Variants in TBCD observed in about 807,000 individuals in gnomAD.
TBCD encodes the protein tubulin-specific chaperone D.
In TBCD, 105 loss-of-function variants were observed where a neutral mutation model predicts 169.3. That is an observed-to-expected ratio of 0.62 (90% CI 0.53 to 0.73). The LOEUF is 0.73. Among genes scored for constraint, TBCD ranks in the 30% least tolerant of loss-of-function variants. The pLI is 0.00. For synonymous variants in TBCD, 700 were observed against 643.9 expected, an observed-to-expected ratio of 1.09 and a Z score of -1.32; for missense variants, 1,444 against 1,600.1, an observed-to-expected ratio of 0.90 and a Z score of 1.66.
chr17:82,856,029 G>C (rs2056254874), intron 13 of TBCD, among the ~76,000 whole-genome samples: 2 of 115,968 alleles, frequency 1.7e-5, no homozygotes, highest in Non-Finnish European at 3.3e-5. Flanking sequence ...GTAGAGACAG[G>C]GTCTCACCAT....
At chr17:82,939,075 T>C (rs1195635358) in intron 36 of TBCD, 5 of 499,868 alleles carry the variant, frequency 1.0e-5, no homozygotes, top group African/African-American at 7.7e-5. Flanking sequence ...GCGAGATTGC[T>C]TCTCTGGTGA....
At chr17:82,901,116 C>T (rs1478017003) in intron 18 of TBCD, among the ~76,000 whole-genome samples, 1 of 152,256 alleles carries the variant, frequency 6.6e-6, no homozygotes, top group Non-Finnish European at 1.5e-5. Flanking sequence ...GCGCTGTCTC[C>T]TGGGAGCCCA....
chr17:82,910,053 A>C (rs367788427), intron 22 of TBCD, among the ~76,000 whole-genome samples: 1 of 152,282 alleles, frequency 6.6e-6, no homozygotes, highest in African/African-American at 2.4e-5. Flanking sequence ...TTATCCACTC[A>C]CCAGCCCAGG....
intron 9 of TBCD, among the ~76,000 whole-genome samples, chr17:82,804,193 G>A (rs939770517): frequency 1.3e-5 from 2 of 151,976 alleles, no homozygotes; most frequent in African/African-American, 4.8e-5. Context: ...GCCTGCTCGT[G>A]GGGCATTAGG....
intron 7 of TBCD, among the ~76,000 whole-genome samples, chr17:82,786,348 G>A (rs1207753161): frequency 6.6e-6 from 1 of 152,242 alleles, no homozygotes; most frequent in East Asian, 1.9e-4. Flanking sequence ...ACCAGAGCTG[G>A]TTGTCTCCAA....
chr17:82,921,307 AT>A, intron 24 of TBCD, 193 bp from the exon 25 acceptor site: 1 of 597,904 alleles, frequency 1.7e-6, no homozygotes, highest in Non-Finnish European at 3.0e-6. Context: ...AGCTTACACA[AT>A]TTAACAGCCA....
intron 13 of TBCD, among the ~76,000 whole-genome samples, chr17:82,827,196 C>T (rs760358942): frequency 6.6e-6 from 1 of 152,238 alleles, no homozygotes; most frequent in Non-Finnish European, 1.5e-5. Context: ...AAGCTCACGC[C>T]TGACCTCTGT....
intron 13 of TBCD, among the ~76,000 whole-genome samples, chr17:82,848,126 T>C (rs111938175): frequency 0.014 from 2,141 of 152,176 alleles, 75 homozygotes; most frequent in African/African-American, 0.049. Context: ...AGTTTCTGGG[T>C]GTGTGGCCTG....
intron 13 of TBCD, among the ~76,000 whole-genome samples, chr17:82,855,369 A>G (rs1181100177): frequency 6.8e-6 from 1 of 147,048 alleles, no homozygotes; most frequent in African/African-American, 2.5e-5. Flanking sequence ...GACTAAAGCG[A>G]TCCTTCCACC....
At chr17:82,850,628 C>CTGTTGGCTGTGCTGT (rs1167860970) in intron 13 of TBCD, among the ~76,000 whole-genome samples, 132 of 149,408 alleles carry the variant, frequency 8.8e-4, no homozygotes, top group African/African-American at 2.6e-3. Context: ...TGCTGTTTTG[C>CTGTTGGCTGTGCTGT]TGTTGGCTGT....
intron 15 of TBCD, among the ~76,000 whole-genome samples, chr17:82,888,282 G>T (rs1447647322): frequency 6.6e-6 from 1 of 152,246 alleles, no homozygotes; most frequent in Admixed American, 6.5e-5. Flanking sequence ...ATGCTGCTGT[G>T]CATAGTCAGC....
intron 9 of TBCD, among the ~76,000 whole-genome samples, chr17:82,805,081 C>G (rs974890057): frequency 6.6e-6 from 1 of 152,250 alleles, no homozygotes; most frequent in Non-Finnish European, 1.5e-5. Flanking sequence ...CCAGGCGGCC[C>G]GCCCTGCACT....
intron 13 of TBCD, among the ~76,000 whole-genome samples, chr17:82,866,544 C>T (rs982316220): frequency 1.3e-5 from 2 of 152,244 alleles, no homozygotes; most frequent in African/African-American, 2.4e-5. Context: ...GGGGCCCTGA[C>T]GTCTCTTGCG....
At chr17:82,792,278 A>G (rs1598518097) in intron 7 of TBCD, among the ~76,000 whole-genome samples, 1 of 151,630 alleles carries the variant, frequency 6.6e-6, no homozygotes, top group East Asian at 2.0e-4. Context: ...ACTGCATTCC[A>G]GCCTGGGTGA....
rs1484612403 is a variant in TBCD at position 82,930,569 on chromosome 17, G to A, written c.3039G>A (p.Gln1013=). The A allele has an allele frequency of 6.2e-7, 1 of 1,613,916 alleles. No homozygotes were observed. Among genetic ancestry groups the A allele is most frequent in the South Asian group, 1.1e-5 (1 of 91,066 alleles). The change falls in exon 33 of 39, where the codon CAG becomes CAA. Residue 1013 remains glutamine, a synonymous_variant. Coordinates refer to ENST00000355528, the MANE Select transcript of TBCD (RefSeq NM_005993.5). This position sits in a 1 kb window ranked among gnomAD's most constrained non-coding sequence, Gnocchi z 5.2. ...QSLFEYMKGI[Q]SDPQALGSFS... ...TCTTTGAGTACATGAAGGGCATTCA[G>A]AGCGACCCGCAGGCCCTGGGCAGCT...
chr17:82,845,084 G>T (rs1016961606), intron 13 of TBCD, among the ~76,000 whole-genome samples: 2 of 152,172 alleles, frequency 1.3e-5, no homozygotes, highest in African/African-American at 4.8e-5. Context: ...GTTGGGGGGT[G>T]CCAGGGACCC....
chr17:82,828,614 A>G (rs1346116661), intron 13 of TBCD, among the ~76,000 whole-genome samples: 1 of 151,178 alleles, frequency 6.6e-6, no homozygotes, highest in Non-Finnish European at 1.5e-5. Flanking sequence ...GCAGGTACGC[A>G]CACATGCACA....
chr17:82,855,837 T>G (rs1009189473), intron 13 of TBCD, among the ~76,000 whole-genome samples: 4 of 152,202 alleles, frequency 2.6e-5, no homozygotes, highest in African/African-American at 9.6e-5. Context: ...GGCTGTTTTC[T>G]GCCTCTACGT....
chr17:82,918,236 A>C (rs2061191460), intron 23 of TBCD: 1 of 152,060 alleles, frequency 6.6e-6, no homozygotes, highest in Non-Finnish European at 1.5e-5. Flanking sequence ...ATGTGTGTCT[A>C]GTTTCGTGCA....
Sources: allele counts gnomAD v4.1 joint callset (sites outside exome capture counted in the v4.1 genomes callset), GRCh38; gene constraint gnomAD v4.1.1; non-coding constraint Gnocchi (gnomAD v3.1); transcripts MANE v1.5; gene names NCBI Gene and HGNC (gene_info 2026-07-23, HGNC 2026-07-21).